RAP1GDS1: variants seen among roughly 807,000 people sequenced by gnomAD.
The protein encoded by RAP1GDS1 is Rap1 GTPase-GDP dissociation stimulator 1.
A neutral mutation model predicts 71.1 loss-of-function variants in RAP1GDS1; 35 were observed. The observed-to-expected ratio is 0.49, with a 90% CI of 0.38 to 0.65. RAP1GDS1 has a LOEUF of 0.65. Among genes scored for constraint, RAP1GDS1 ranks in the 30% least tolerant of loss-of-function variants. The pLI, the probability that RAP1GDS1 is intolerant of heterozygous loss-of-function variation, is 0.00. For missense variants in RAP1GDS1, 663 were observed against 706.1 expected (o/e 0.94, Z 0.69); for synonymous variants, 229 against 243.1 (o/e 0.94, Z 0.54).
chr4:98,274,537 T>C (rs1269233336), intron 1 of RAP1GDS1, among the ~76,000 whole-genome samples: 1 of 152,206 alleles, frequency 6.6e-6, no homozygotes, highest in Non-Finnish European at 1.5e-5. Context: ...TTCACAAACT[T>C]TGTAAATTTG....
chr4:98,418,525 G>A, intron 9 of RAP1GDS1, 132 bp from the exon 10 acceptor site: 1 of 864,620 alleles, frequency 1.2e-6, no homozygotes, highest in East Asian at 3.3e-5. Context: ...AATCTGATGG[G>A]AGAAAGATTT....
At chr4:98,385,689 A>G (rs1024508128) in intron 5 of RAP1GDS1, among the ~76,000 whole-genome samples, 14 of 151,864 alleles carry the variant, frequency 9.2e-5, no homozygotes, top group African/African-American at 3.4e-4. Context: ...AGAAAGTGAA[A>G]TGCTTTTGAA....
chr4:98,356,210 G>A (rs531872353), intron 4 of RAP1GDS1, among the ~76,000 whole-genome samples: 15 of 152,124 alleles, frequency 9.9e-5, no homozygotes, highest in African/African-American at 2.4e-4. Context: ...GTTTTAAAGC[G>A]CAGTAGTATT....
intron 2 of RAP1GDS1, among the ~76,000 whole-genome samples, chr4:98,308,295 C>CTAT (rs1368490048): frequency 4.2e-5 from 3 of 72,150 alleles, no homozygotes; most frequent in South Asian, 5.9e-4. Context: ...TACACACACA[C>CTAT]ACTATATATA....
chr4:98,435,843 G>A (rs973719889), intron 13 of RAP1GDS1, among the ~76,000 whole-genome samples: 1 of 149,600 alleles, frequency 6.7e-6, no homozygotes, highest in African/African-American at 2.5e-5. Flanking sequence ...AGGCCGAGGC[G>A]GGTGGATCAT....
chr4:98,347,626 C>G (rs1239349026), intron 3 of RAP1GDS1, among the ~76,000 whole-genome samples: 2 of 152,208 alleles, frequency 1.3e-5, no homozygotes, highest in Non-Finnish European at 2.9e-5. Context: ...ACGTTGATTT[C>G]TATTCACTGT....
chr4:98,363,339 G>T (rs1013630899), intron 4 of RAP1GDS1, among the ~76,000 whole-genome samples: 1 of 151,554 alleles, frequency 6.6e-6, no homozygotes, highest in African/African-American at 2.4e-5. Flanking sequence ...TAAAAAATGA[G>T]CCATTATGGT....
intron 2 of RAP1GDS1, among the ~76,000 whole-genome samples, chr4:98,323,248 A>G (rs1364496093): frequency 1.4e-5 from 2 of 147,800 alleles, no homozygotes; most frequent in Non-Finnish European, 3.0e-5. Flanking sequence ...TGAATAGACC[A>G]ATAACAGGAG....
In RAP1GDS1 at chr4:98,435,526, T is replaced by A. The variant is rs533032432; in HGVS notation, c.1568-1414T>A. On this transcript the variant is annotated intron_variant, in intron 13 of 14. Coordinates refer to ENST00000408927, the MANE Select transcript of RAP1GDS1 (RefSeq NM_001100427.2). ...AGGTCTTGAATCCTTGTCTTCACACTGAGTAGGCTGAGGAAGGGGAAGAAC... is the reference window on the plus strand; with the variant it reads ...AGGTCTTGAATCCTTGTCTTCACACAGAGTAGGCTGAGGAAGGGGAAGAAC... 2.0e-5 allele frequency among the ~76,000 whole-genome samples: 3 copies of A among 152,292 alleles called. No homozygotes were observed. In the East Asian group the frequency reaches 5.8e-4, roughly 29 times the overall value.
At chr4:98,398,296 TAACAG>T (rs1300131173) in intron 6 of RAP1GDS1, among the ~76,000 whole-genome samples, 3 of 151,810 alleles carry the variant, frequency 2.0e-5, no homozygotes, top group Non-Finnish European at 4.4e-5. Context: ...TTAGAAAAGT[TAACAG>T]AGAGGAGGAA....
chr4:98,337,302 C>G (rs1734846789), intron 2 of RAP1GDS1, among the ~76,000 whole-genome samples: 1 of 152,198 alleles, frequency 6.6e-6, no homozygotes, highest in Non-Finnish European at 1.5e-5. Context: ...CTCTTTCTCA[C>G]TCAGTTGTCT....
intron 2 of RAP1GDS1, among the ~76,000 whole-genome samples, chr4:98,303,627 A>AATAATATATAATATAATATAATATAAT (rs1553965662): frequency 7.1e-6 from 1 of 141,332 alleles, no homozygotes; most frequent in African/African-American, 2.6e-5. Context: ...GTAAATTAAT[A>AATAATATATAATATAATATAATATAAT]ATAATATAAT....
At chr4:98,275,287 A>G (rs1196876868) in intron 1 of RAP1GDS1, among the ~76,000 whole-genome samples, 1 of 152,180 alleles carries the variant, frequency 6.6e-6, no homozygotes, top group Non-Finnish European at 1.5e-5. Context: ...CAAATGTGGT[A>G]TAACAGTATA....
At chr4:98,312,135 G>T (rs1730320007) in intron 2 of RAP1GDS1, among the ~76,000 whole-genome samples, 1 of 152,140 alleles carries the variant, frequency 6.6e-6, no homozygotes, top group South Asian at 2.1e-4. Context: ...GATACTTGTA[G>T]ACCTGTTTAG....
chr4:98,413,481 G>C (rs1360496508), intron 7 of RAP1GDS1, among the ~76,000 whole-genome samples: 2 of 150,920 alleles, frequency 1.3e-5, no homozygotes, highest in South Asian at 2.1e-4. Context: ...TTTGGTTTTT[G>C]TTCTTGCGAT....
At chr4:98,426,998 A>G (rs1314563452) in intron 12 of RAP1GDS1, among the ~76,000 whole-genome samples, 1 of 152,124 alleles carries the variant, frequency 6.6e-6, no homozygotes, top group Non-Finnish European at 1.5e-5. Flanking sequence ...AAATCCAACA[A>G]CATATCAAGA....
intron 7 of RAP1GDS1, among the ~76,000 whole-genome samples, chr4:98,406,661 G>A (rs956060583): frequency 9.2e-5 from 14 of 151,918 alleles, no homozygotes; most frequent in African/African-American, 3.4e-4. Flanking sequence ...TAAGACAATT[G>A]ATTTAATGGA....
At chr4:98,381,374 G>C (rs1741990711) in intron 5 of RAP1GDS1, among the ~76,000 whole-genome samples, 1 of 151,418 alleles carries the variant, frequency 6.6e-6, no homozygotes, top group South Asian at 2.1e-4. Context: ...TTTGTGAAGT[G>C]ATTCTTTTTC....
At chr4:98,387,962 C>T (rs930156503) in intron 5 of RAP1GDS1, among the ~76,000 whole-genome samples, 3 of 152,104 alleles carry the variant, frequency 2.0e-5, no homozygotes, top group African/African-American at 7.2e-5. Flanking sequence ...GTTTGTCTTT[C>T]GCTTAAAAGT....
Sources: allele counts gnomAD v4.1 joint callset (sites outside exome capture counted in the v4.1 genomes callset), GRCh38; gene constraint gnomAD v4.1.1; transcripts MANE v1.5; gene names NCBI Gene and HGNC (gene_info 2026-07-23, HGNC 2026-07-21).